Variants in PCDHAC1 observed in about 807,000 individuals in gnomAD.
The protein encoded by PCDHAC1 is protocadherin alpha subfamily C, 1, also known as protocadherin alpha-C1.
PCDHAC1 carries 42 observed loss-of-function variants against 60.0 expected under a neutral mutation model. The observed-to-expected ratio is 0.70, with a 90% CI of 0.55 to 0.90. The LOEUF (loss-of-function observed/expected upper bound fraction) is 0.90, where lower values mean the gene tolerates loss of function less well. Ranked by LOEUF, PCDHAC1 falls within the 40% of genes least tolerant of loss-of-function variation. The pLI is 0.00. For missense variants in PCDHAC1, 1,160 were observed against 1,222.3 expected, an observed-to-expected ratio of 0.95 and a Z score of 0.76; for synonymous variants, 468 against 499.3, an observed-to-expected ratio of 0.94 and a Z score of 0.84.
At chr5:140,949,219 C>T (rs543953096) in intron 1 of PCDHAC1, among the ~76,000 whole-genome samples, 3 of 151,842 alleles carry the variant, frequency 2.0e-5, no homozygotes, top group African/African-American at 7.2e-5. Flanking sequence ...TCTGTTTAGA[C>T]TTGTTCTGTG....
intron 1 of PCDHAC1, among the ~76,000 whole-genome samples, chr5:140,974,396 G>A (rs1413050341): frequency 6.6e-6 from 1 of 152,178 alleles, no homozygotes; most frequent in Non-Finnish European, 1.5e-5. Context: ...CATTAGGTAT[G>A]TTCTAAAGTT....
At chr5:140,968,036 A>G (rs1554230231) in intron 1 of PCDHAC1, 1 of 1,614,042 alleles carries the variant, frequency 6.2e-7, no homozygotes, top group African/African-American at 1.3e-5. Context: ...ACTGGTGGTG[A>G]GCGGCCCACT....
In PCDHAC1 at chr5:140,967,370, G is replaced by A. The variant is rs1554229504; in HGVS notation, c.2434-11579G>A. ...CGAGCTGGACCTTAAGCCCCTGCAGGAGAACAGTAAAGTGCTTGAGCTGGT... is the reference window on the plus strand; with the variant it reads ...CGAGCTGGACCTTAAGCCCCTGCAGAAGAACAGTAAAGTGCTTGAGCTGGT... On this transcript the variant is annotated intron_variant, in intron 1 of 3. Transcript: ENST00000253807. The A allele has an allele frequency of 3.1e-6, 5 of 1,607,662 alleles. No individual in the cohort carries two copies. The South Asian group carries it at 3.3e-5, about 11-fold the overall frequency.
At chr5:140,956,195 G>A (rs1324151692) in intron 1 of PCDHAC1, among the ~76,000 whole-genome samples, 1 of 152,178 alleles carries the variant, frequency 6.6e-6, no homozygotes, top group Non-Finnish European at 1.5e-5. Flanking sequence ...CTGAATAGGA[G>A]TGGTGAAAGA....
At chr5:140,993,523 C>CAG (rs111789518) in intron 3 of PCDHAC1, among the ~76,000 whole-genome samples, 24 of 145,748 alleles carry the variant, frequency 1.6e-4, no homozygotes, top group African/African-American at 5.0e-4. Flanking sequence ...GAGAGAGAGA[C>CAG]AGAGAGAGAG....
At chr5:140,951,746 C>A (rs2094627797) in intron 1 of PCDHAC1, among the ~76,000 whole-genome samples, 1 of 152,128 alleles carries the variant, frequency 6.6e-6, no homozygotes, top group African/African-American at 2.4e-5. Flanking sequence ...ACTGCCCTCA[C>A]CCTCCGCGAA....
Position 140,926,872 on chromosome 5 carries a change from AC to A in PCDHAC1, c.-20del. The A allele has an allele frequency of 6.6e-7, 1 of 1,525,488 alleles. No homozygotes were observed. The highest frequency in any genetic ancestry group is 8.8e-7 in the Non-Finnish European group (1 of 1,136,182). 94.5% of individuals were successfully genotyped at this position (1,525,488 alleles called of 1,614,324 possible). On this transcript the variant is annotated 5_prime_UTR_variant, in exon 1 of 4. It introduces an in-frame stop codon into an upstream open reading frame of the 5' UTR. Transcript: ENST00000253807. ...ACCGTTGGTGTAGCGTGTTGGTGGA[AC>A]GTGGACGCCTAGAGGGAGGATGGTG...
intron 1 of PCDHAC1, among the ~76,000 whole-genome samples, chr5:140,936,053 C>A (rs576745037): frequency 1.3e-5 from 2 of 151,934 alleles, no homozygotes; most frequent in African/African-American, 4.8e-5. Context: ...CCACCACACC[C>A]GGCTAATTTT....
intron 1 of PCDHAC1, among the ~76,000 whole-genome samples, chr5:140,970,269 A>G (rs1410341195): frequency 6.6e-6 from 1 of 152,184 alleles, no homozygotes; most frequent in East Asian, 1.9e-4. Flanking sequence ...TTTTGATGAG[A>G]TGTAAAGTAG....
intron 1 of PCDHAC1, chr5:140,968,724 G>C: frequency 6.2e-7 from 1 of 1,614,090 alleles, no homozygotes; most frequent in Non-Finnish European, 8.5e-7. Context: ...GATGAGAGTG[G>C]TAGCACTTTC....
At chr5:140,966,374 C>A in intron 1 of PCDHAC1, 1 of 405,174 alleles carries the variant, frequency 2.5e-6, no homozygotes, top group South Asian at 1.3e-4. Flanking sequence ...GCTGAGCAGT[C>A]CGGGTTCGCT....
intron 3 of PCDHAC1, among the ~76,000 whole-genome samples, chr5:140,994,608 G>C (rs1231327885): frequency 1.3e-5 from 2 of 152,098 alleles, no homozygotes; most frequent in Admixed American, 1.3e-4. Context: ...GGGAGGCTGA[G>C]GCACGAGAGT....
chr5:141,007,498 G>A (rs936217793), intron 3 of PCDHAC1, among the ~76,000 whole-genome samples: 1 of 151,942 alleles, frequency 6.6e-6, no homozygotes. Flanking sequence ...GACCTAGGAG[G>A]CAGAGACTGC....
intron 1 of PCDHAC1, among the ~76,000 whole-genome samples, chr5:140,977,739 T>C (rs1198089748): frequency 1.3e-5 from 2 of 152,206 alleles, no homozygotes; most frequent in South Asian, 2.1e-4. Context: ...CTGGGTGTTA[T>C]GAAGAAATGT....
intron 3 of PCDHAC1, among the ~76,000 whole-genome samples, chr5:140,983,718 T>C (rs2097062684): frequency 6.6e-6 from 1 of 152,248 alleles, no homozygotes; most frequent in South Asian, 2.1e-4. Context: ...CTAGCACTTA[T>C]ATTCATAACA....
At chr5:140,998,122 A>G (rs2097797315) in intron 3 of PCDHAC1, among the ~76,000 whole-genome samples, 1 of 152,214 alleles carries the variant, frequency 6.6e-6, no homozygotes, top group Admixed American at 6.5e-5. Flanking sequence ...TTACTTGTGA[A>G]TCATAATAGC....
chr5:140,965,796 A>AT (rs1377584212), intron 1 of PCDHAC1, among the ~76,000 whole-genome samples: 2 of 152,134 alleles, frequency 1.3e-5, no homozygotes, highest in Non-Finnish European at 2.9e-5. Flanking sequence ...CATGGAGACT[A>AT]TTTTTTTAAA....
chr5:140,940,756 T>A (rs782132428), intron 1 of PCDHAC1, among the ~76,000 whole-genome samples: 23 of 152,246 alleles, frequency 1.5e-4, no homozygotes, highest in Non-Finnish European at 2.8e-4. Context: ...GTGTGCCAAC[T>A]TTTATTTGAC....
At chr5:140,991,539 C>T (rs1458315356) in intron 3 of PCDHAC1, among the ~76,000 whole-genome samples, 3 of 152,164 alleles carry the variant, frequency 2.0e-5, no homozygotes, top group Admixed American at 6.6e-5. Context: ...CACTATATAA[C>T]AAGGATCCAC....
Sources: allele counts gnomAD v4.1 joint callset (sites outside exome capture counted in the v4.1 genomes callset), GRCh38; gene constraint gnomAD v4.1.1; transcripts MANE v1.5; gene names NCBI Gene and HGNC (gene_info 2026-07-23, HGNC 2026-07-21).